The following SENP7 variants were observed in gnomAD, a reference collection of about 807,000 sequenced individuals.
SENP7 encodes the protein SUMO specific peptidase 7.
A neutral mutation model predicts 141.2 loss-of-function variants in SENP7; 64 were observed. The ratio of observed to expected loss-of-function variants is 0.45; its 90% CI spans 0.37 to 0.56. SENP7 has a LOEUF of 0.56. Ranked by LOEUF, SENP7 falls within the 20% of genes least tolerant of loss-of-function variation. The pLI, the probability that SENP7 is intolerant of heterozygous loss-of-function variation, is 0.00. For missense variants in SENP7, 1,025 were observed against 1,212.2 expected, an observed-to-expected ratio of 0.85 and a Z score of 2.29; for synonymous variants, 382 against 426.4, an observed-to-expected ratio of 0.90 and a Z score of 1.28.
At chr3:101,487,323 T>C (rs1015633314) in intron 3 of SENP7, among the ~76,000 whole-genome samples, 1 of 152,140 alleles carries the variant, frequency 6.6e-6, no homozygotes, top group African/African-American at 2.4e-5. Flanking sequence ...AATAAGGTTA[T>C]TGGTTTTTCA....
chr3:101,348,200 G>T (rs2059522348), intron 12 of SENP7, 149 bp from the exon 13 acceptor site: 2 of 476,590 alleles, frequency 4.2e-6, no homozygotes, highest in Non-Finnish European at 7.1e-6. Context: ...AGTGCACTTT[G>T]CTAACCTTAG....
rs754549659 is a variant in SENP7, at chr3:101,343,872, C to T, written c.1920G>A (p.Thr640=). ...REELKLKDIM[T]EISIISGELE... is the part of the protein sequence containing the mutation. ...ATTCTCCACTGATTATACTTATTTC[C>T]GTCATAATATCTTTCAGCTTCAATT... is the stretch of plus-strand genomic sequence containing the variant. The change falls in exon 14 of 24, where the codon ACG becomes ACA. Residue 640 remains threonine (T), a synonymous_variant. Coordinates refer to ENST00000394095, the MANE Select transcript of SENP7 (RefSeq NM_020654.5). 10 of 1,612,874 alleles carry T rather than the reference C, an allele frequency of 6.2e-6. No homozygotes were observed. Among genetic ancestry groups the T allele is most frequent in the East Asian group, 2.2e-5 (1 of 44,770 alleles).
intron 2 of SENP7, among the ~76,000 whole-genome samples, chr3:101,495,670 G>A (rs2065132464): frequency 6.6e-6 from 1 of 152,206 alleles, no homozygotes; most frequent in Admixed American, 6.5e-5. Flanking sequence ...AACAATGCAT[G>A]TTCTCACTTT....
rs2065939446 is a variant in SENP7, at chr3:101,513,201, G to A, written c.-71C>T. The A allele has an allele frequency of 8.9e-6, 8 of 896,938 alleles. No homozygotes were observed. The East Asian group carries it at 1.9e-4, about 21-fold the overall frequency. 55.6% of individuals were successfully genotyped at this position (896,938 alleles called of 1,614,324 possible). On this transcript the variant is annotated 5_prime_UTR_variant, in exon 1 of 24. Coordinates refer to ENST00000394095, the MANE Select transcript of SENP7 (RefSeq NM_020654.5). ...GACCCCTCCGGCTTGGAGAGGGAGG[G>A]GGAGGGGAAAGGAAAAAAAAAAAAA...
intron 16 of SENP7, among the ~76,000 whole-genome samples, chr3:101,338,313 T>A (rs1335560162): frequency 6.6e-6 from 1 of 152,120 alleles, no homozygotes; most frequent in Non-Finnish European, 1.5e-5. Flanking sequence ...AATCAAATAA[T>A]CATATACTCA....
intron 2 of SENP7, among the ~76,000 whole-genome samples, chr3:101,495,359 A>G (rs2065122623): frequency 6.6e-6 from 1 of 152,206 alleles, no homozygotes; most frequent in South Asian, 2.1e-4. Context: ...TCAAAGACCT[A>G]GAGGCAAACA....
intron 2 of SENP7, among the ~76,000 whole-genome samples, chr3:101,494,592 TCAATGGAACAGAC>T (rs890236364): frequency 6.6e-6 from 1 of 151,976 alleles, no homozygotes; most frequent in African/African-American, 2.4e-5. Context: ...TGGAACAGAA[TCAATGGAACAGAC>T]CAATGGAACA....
intron 11 of SENP7, among the ~76,000 whole-genome samples, chr3:101,353,907 A>G (rs2460721): frequency 0.91 from 137,684 of 151,906 alleles, 62,518 homozygotes; most frequent in East Asian, 1. Context: ...GTCACTGAAT[A>G]TATGGAGAAT....
At chr3:101,335,004 A>G (rs1257276716) in intron 17 of SENP7, among the ~76,000 whole-genome samples, 1 of 152,210 alleles carries the variant, frequency 6.6e-6, no homozygotes, top group Non-Finnish European at 1.5e-5. Flanking sequence ...GGTACTGAGG[A>G]TAGAGTGGAA....
intron 3 of SENP7, among the ~76,000 whole-genome samples, chr3:101,463,376 T>TATATATATATATATATACAC (rs1559864933): frequency 1.5e-4 from 13 of 85,274 alleles, no homozygotes; most frequent in South Asian, 7.2e-4. Context: ...TATATATATA[T>TATATATATATATATATACAC]ATATATATAT....
intron 16 of SENP7, among the ~76,000 whole-genome samples, chr3:101,339,500 C>A (rs901420037): frequency 1.3e-5 from 2 of 152,140 alleles, no homozygotes; most frequent in African/African-American, 2.4e-5. Flanking sequence ...GAGGGCAGAT[C>A]ACCTGAGGTC....
intron 3 of SENP7, among the ~76,000 whole-genome samples, chr3:101,462,639 G>A (rs1216443433): frequency 3.3e-5 from 5 of 151,706 alleles, no homozygotes; most frequent in Non-Finnish European, 5.9e-5. Flanking sequence ...AGGCCAAGGT[G>A]GATGGATCGC....
chr3:101,502,697 T>C (rs1166700173), intron 1 of SENP7, among the ~76,000 whole-genome samples: 2 of 152,008 alleles, frequency 1.3e-5, no homozygotes, highest in African/African-American at 2.4e-5. Flanking sequence ...TGGGGATCAC[T>C]TGAGCCCAGG....
intron 3 of SENP7, among the ~76,000 whole-genome samples, chr3:101,487,445 G>A (rs985236303): frequency 6.6e-6 from 1 of 151,938 alleles, no homozygotes; most frequent in African/African-American, 2.4e-5. Flanking sequence ...TTTTTGCTGT[G>A]CAGAAGCTCT....
chr3:101,506,017 A>ACATT (rs1553760671), intron 1 of SENP7, among the ~76,000 whole-genome samples: 1 of 112,108 alleles, frequency 8.9e-6, no homozygotes, highest in Non-Finnish European at 2.0e-5. Flanking sequence ...TATTTATTCC[A>ACATT]TAATTTTTTT....
In SENP7 at chr3:101,332,008, G is replaced by A. The variant is rs1261214554; in HGVS notation, c.2675C>T (p.Ser892Phe). The change falls in exon 19 of 24, where the codon TCC (serine) becomes TTC (phenylalanine). Residue 892 changes from serine to phenylalanine, a missense_variant. By Grantham distance (155) the Ser-to-Phe change is radical. Around this residue, in one of 4 missense-constraint regions of SENP7, gnomAD observed 295 missense variants for 459.1 expected, o/e 0.64. Transcript: ENST00000394095. ...TVSQQSQAQQ[S>F]QNDNKTIDND... ...ACCTATTGTTTTGTTGTCATTTTGG[G>A]ACTGCTGAGCCTGGGACTGCTGGGA... 1 of 1,613,168 alleles carries A rather than the reference G, an allele frequency of 6.2e-7. No individual in the cohort carries two copies.
In SENP7 at chr3:101,332,873, GA is replaced by G; in HGVS notation, c.2481-12del. On this transcript the variant is annotated splice_polypyrimidine_tract_variant and intron_variant, in intron 17 of 23. Coordinates refer to ENST00000394095, the MANE Select transcript of SENP7 (RefSeq NM_020654.5). ...CTTCTCTGTGCCATTCTGAGAGTATGAAAGACAGATTTGATATATAAAAATT... is the reference window on the plus strand; with the variant it reads ...CTTCTCTGTGCCATTCTGAGAGTATGAAGACAGATTTGATATATAAAAATT... 1 of 1,572,036 alleles carries G rather than the reference GA, an allele frequency of 6.4e-7. No individual in the cohort carries two copies.
chr3:101,358,012 C>A, intron 11 of SENP7: 1 of 595,450 alleles, frequency 1.7e-6, no homozygotes, highest in Non-Finnish European at 2.8e-6. Context: ...AGAAACCATA[C>A]AAGTGTGTTA....
chr3:101,453,493 G>T (rs62280730), intron 4 of SENP7, among the ~76,000 whole-genome samples: 1 of 152,098 alleles, frequency 6.6e-6, no homozygotes. Context: ...TAGACTGGAT[G>T]AAGAAAATGT....
Sources: gnomAD v4.1 joint callset for allele counts (sites outside exome capture counted in the v4.1 genomes callset) on GRCh38, gnomAD v4.1.1 for gene constraint, gnomAD v4.1.1 regional missense constraint, MANE v1.5 for transcripts, NCBI Gene and HGNC (gene_info 2026-07-23, HGNC 2026-07-21) for gene names.